The following NGF variants were observed in gnomAD, a reference collection of about 807,000 sequenced individuals.
NGF encodes the protein nerve growth factor.
A neutral mutation model predicts 12.8 loss-of-function variants in NGF; 4 were observed. That is an observed-to-expected ratio of 0.31 (90% confidence interval 0.15 to 0.72). NGF has a LOEUF of 0.72. Among genes scored for constraint, NGF ranks in the 30% least tolerant of loss-of-function variants. The pLI is 0.69. For synonymous variants in NGF, 140 were observed against 130.0 expected (o/e 1.08, Z -0.52); for missense variants, 283 against 330.8 (o/e 0.86, Z 1.12).
intron 1 of NGF, among the ~76,000 whole-genome samples, chr1:115,315,231 A>C (rs1398719644): frequency 1.3e-5 from 2 of 152,214 alleles, no homozygotes; most frequent in African/African-American, 4.8e-5. Context: ...GCAGAAAGCA[A>C]CATGACTGGA....
At chr1:115,329,568 T>C (rs1183719423) in intron 1 of NGF, among the ~76,000 whole-genome samples, 1 of 152,164 alleles carries the variant, frequency 6.6e-6, no homozygotes, top group African/African-American at 2.4e-5. Flanking sequence ...TATATGTATA[T>C]GTACATACAT....
At chr1:115,292,036 C>T (rs1271478316) in intron 2 of NGF, among the ~76,000 whole-genome samples, 1 of 152,198 alleles carries the variant, frequency 6.6e-6, no homozygotes, top group African/African-American at 2.4e-5. Flanking sequence ...TCATTCGCCA[C>T]ATTCTGAGAG....
At chr1:115,307,037 G>C (rs1654221296) in intron 1 of NGF, among the ~76,000 whole-genome samples, 1 of 152,220 alleles carries the variant, frequency 6.6e-6, no homozygotes, top group South Asian at 2.1e-4. Flanking sequence ...GACAGAGGGA[G>C]AAATGGCTGT....
intron 1 of NGF, among the ~76,000 whole-genome samples, chr1:115,313,434 G>T (rs769499423): frequency 2.0e-5 from 3 of 152,142 alleles, no homozygotes; most frequent in Non-Finnish European, 4.4e-5. Context: ...GCTGTTGTTT[G>T]TTTTTATGTA....
At chr1:115,307,367 C>G (rs1168468531) in intron 1 of NGF, among the ~76,000 whole-genome samples, 1 of 151,970 alleles carries the variant, frequency 6.6e-6, no homozygotes. Context: ...GGAGGGAGAT[C>G]CAGAGGGCAA....
chr1:115,291,269 A>G (rs996789378), intron 2 of NGF, among the ~76,000 whole-genome samples: 67 of 152,376 alleles, frequency 4.4e-4, no homozygotes, highest in African/African-American at 1.6e-3. Flanking sequence ...TCAGTAGATA[A>G]AAGAAAAATT....
At chr1:115,319,906 G>A (rs1047102846) in intron 1 of NGF, among the ~76,000 whole-genome samples, 9 of 152,306 alleles carry the variant, frequency 5.9e-5, no homozygotes, top group Non-Finnish European at 7.3e-5. Flanking sequence ...CTGGGCAGGC[G>A]TGGGTGGTTG....
chr1:115,336,461 C>T (rs141156166), intron 1 of NGF, among the ~76,000 whole-genome samples: 6 of 152,258 alleles, frequency 3.9e-5, no homozygotes, highest in African/African-American at 1.4e-4. Flanking sequence ...TGTTCACTTT[C>T]TGTGTGAGTC....
chr1:115,316,189 C>T (rs1006351668), intron 1 of NGF, among the ~76,000 whole-genome samples: 2 of 152,126 alleles, frequency 1.3e-5, no homozygotes, highest in Non-Finnish European at 2.9e-5. Context: ...AAGTCATCAC[C>T]CATTTGGGCT....
At chr1:115,304,201 TG>T (rs1005469991) in intron 1 of NGF, among the ~76,000 whole-genome samples, 5 of 152,034 alleles carry the variant, frequency 3.3e-5, no homozygotes, top group African/African-American at 1.2e-4. Flanking sequence ...ATGTAGTTTT[TG>T]CCCAGGCTGT....
chr1:115,314,312 T>C (rs1265506332), intron 1 of NGF, among the ~76,000 whole-genome samples: 2 of 152,196 alleles, frequency 1.3e-5, no homozygotes, highest in African/African-American at 4.8e-5. Context: ...GGCAAAGGGT[T>C]GCTTCTAACA....
intron 1 of NGF, among the ~76,000 whole-genome samples, chr1:115,309,383 C>T (rs4454548): frequency 0.51 from 77,163 of 151,984 alleles, 21,661 homozygotes; most frequent in Non-Finnish European, 0.64. Context: ...ATTCTTTATA[C>T]CGTTCTATAT....
At chr1:115,329,429 G>A (rs1371032983) in intron 1 of NGF, among the ~76,000 whole-genome samples, 7 of 152,170 alleles carry the variant, frequency 4.6e-5, no homozygotes, top group Admixed American at 4.6e-4. Flanking sequence ...TTAACCCCAA[G>A]CTTGCCTGGC....
chr1:115,292,695 G>T (rs1342919295), intron 2 of NGF, among the ~76,000 whole-genome samples: 1 of 152,188 alleles, frequency 6.6e-6, no homozygotes, highest in Non-Finnish European at 1.5e-5. Flanking sequence ...TAACTGATAG[G>T]TGGTGGGGTG....
At chr1:115,319,546 A>G (rs1361975949) in intron 1 of NGF, among the ~76,000 whole-genome samples, 10 of 151,976 alleles carry the variant, frequency 6.6e-5, no homozygotes, top group Non-Finnish European at 1.5e-5. Context: ...CTCAAAACTC[A>G]CCTTTTCTTT....
chr1:115,304,329 A>ATTTTTTTTTTTTTTTTTTGTTTTT (rs58345237), intron 1 of NGF, among the ~76,000 whole-genome samples: 1 of 80,830 alleles, frequency 1.2e-5, no homozygotes, highest in Non-Finnish European at 2.5e-5. Flanking sequence ...TGCTTGGCTA[A>ATTTTTTTTTTTTTTTTTTGTTTTT]TTTTTTTTTT....
intron 1 of NGF, among the ~76,000 whole-genome samples, chr1:115,331,879 A>T (rs1322541457): frequency 1.3e-5 from 2 of 152,178 alleles, no homozygotes; most frequent in African/African-American, 2.4e-5. Flanking sequence ...ATTAATAAGG[A>T]TGCTAATTGA....
At chr1:115,300,748 A>C (rs1325441319) in intron 1 of NGF, among the ~76,000 whole-genome samples, 1 of 152,242 alleles carries the variant, frequency 6.6e-6, no homozygotes, top group Non-Finnish European at 1.5e-5. Context: ...AATCCTAGGT[A>C]ACCTGAGGCG....
chr1:115,312,123 A>G (rs771596434), intron 1 of NGF, among the ~76,000 whole-genome samples: 15 of 152,182 alleles, frequency 9.9e-5, no homozygotes, highest in Non-Finnish European at 8.8e-5. Context: ...TTGCTTGTCT[A>G]TTTGGTGGGG....
Sources: allele counts gnomAD v4.1 joint callset (sites outside exome capture counted in the v4.1 genomes callset), GRCh38; gene constraint gnomAD v4.1.1; transcripts MANE v1.5; gene names NCBI Gene and HGNC (gene_info 2026-07-23, HGNC 2026-07-21).